The following KCNK18 variants were observed in gnomAD, a reference collection of about 807,000 sequenced individuals.
KCNK18 encodes the protein potassium two pore domain channel subfamily K member 18.
Under a neutral mutation model 11.8 loss-of-function variants are expected in KCNK18, and 8 were observed. That is an observed-to-expected ratio of 0.68 (90% CI 0.40 to 1.22). The LOEUF is 1.22. Among genes scored for constraint, KCNK18 ranks in the 50% most tolerant of loss-of-function variants. KCNK18 has a pLI of 0.01. For synonymous variants in KCNK18, 208 were observed against 185.8 expected (o/e 1.12, Z -0.97); for missense variants, 442 against 465.4 (o/e 0.95, Z 0.46).
At chr10:117,203,464 G>A (rs561189112) in intron 2 of KCNK18, among the ~76,000 whole-genome samples, 3 of 152,306 alleles carry the variant, frequency 2.0e-5, no homozygotes, top group Admixed American at 6.5e-5. Flanking sequence ...GGAAACAATA[G>A]GCCCAGGAGA....
chr10:117,209,611 C>T lies in KCNK18; in HGVS notation c.467C>T (p.Ala156Val). ...LVLTDTGDILATILSTSYNRF... is the reference protein window; with the variant it reads ...LVLTDTGDILVTILSTSYNRF... The stretch of plus-strand genomic sequence containing the variant: ...CTCACGGACACAGGCGACATCCTGG[C>T]AACCATCTTATCTACATCTTATAAT... The change falls in exon 3 of 3, where the codon GCA becomes GTA. Residue 156 changes from alanine (A) to valine (V), a missense_variant. By Grantham distance (64) the Ala-to-Val change is moderately conservative (BLOSUM62 0). Coordinates refer to ENST00000334549, the MANE Select transcript of KCNK18 (RefSeq NM_181840.1). The T allele has an allele frequency of 6.2e-7, 1 of 1,614,188 alleles. No individual in the cohort carries two copies. Among genetic ancestry groups the T allele is most frequent in the South Asian group, 1.1e-5 (1 of 91,086 alleles).
At chr10:117,200,068 C>G (rs567008505) in intron 1 of KCNK18, among the ~76,000 whole-genome samples, 1 of 152,272 alleles carries the variant, frequency 6.6e-6, no homozygotes, top group African/African-American at 2.4e-5. Context: ...GATGATCAAA[C>G]TCCATCAAGT....
chr10:117,197,692 C>A lies in KCNK18; in HGVS notation c.204C>A (p.Ile68=). Residue 68 remains isoleucine, a synonymous_variant, in exon 1 of 3, where the codon ATC becomes ATA. Transcript: ENST00000334549. ...FEKFLEELCR[I]LNCSETVVED... is the part of the protein sequence containing the mutation. ...AGTTCTTGGAGGAGCTCTGCAGAATCTTGAACTGCAGTGAAACAGGTAGGT... is the reference window on the plus strand; with the variant it reads ...AGTTCTTGGAGGAGCTCTGCAGAATATTGAACTGCAGTGAAACAGGTAGGT... The A allele has an allele frequency of 6.2e-7, 1 of 1,614,066 alleles. No individual in the cohort carries two copies. Among genetic ancestry groups the A allele is most frequent in the South Asian group, 1.1e-5 (1 of 91,080 alleles).
chr10:117,197,703 G>C lies in KCNK18; in HGVS notation c.215G>C (p.Ser72Thr), dbSNP rs1422290948. ...GAGCTCTGCAGAATCTTGAACTGCA[G>C]TGAAACAGGTAGGTGCCTCACCTGG... ...LEELCRILNC[S>T]ETVVEDRKQD... The change falls in exon 1 of 3, where the codon AGT becomes ACT. Residue 72 changes from serine to threonine, a missense_variant. By Grantham distance (58) the Ser-to-Thr change is moderately conservative. Coordinates refer to ENST00000334549, the MANE Select transcript of KCNK18 (RefSeq NM_181840.1). 9 of 1,613,946 alleles carry C rather than the reference G, an allele frequency of 5.6e-6. No homozygotes were observed. Among genetic ancestry groups the C allele is most frequent in the Non-Finnish European group, 7.6e-6 (9 of 1,179,966 alleles).
rs781592639 is a variant in KCNK18 at position 117,197,545 on chromosome 10, G to T, written c.57G>T (p.Lys19Asn). 1.1e-5 allele frequency: 17 copies of T among 1,614,098 alleles called. No individual in the cohort carries two copies. Among genetic ancestry groups the T allele is most frequent in the South Asian group, 2.2e-5 (2 of 91,096 alleles). ...ARRCCPEALGKLFPGLCFLCF... is the reference protein window; with the variant it reads ...ARRCCPEALGNLFPGLCFLCF... ...GATGCTGCCCAGAGGCCCTGGGAAA[G>T]CTCTTCCCTGGCCTCTGCTTCCTCT... The change falls in exon 1 of 3, where the codon AAG (lysine) becomes AAT (asparagine). Residue 19 changes from lysine to asparagine, a missense_variant. Physicochemically the swap from Lys to Asn is moderately conservative, Grantham distance 94 (BLOSUM62 0). Transcript: ENST00000334549.
intron 2 of KCNK18, among the ~76,000 whole-genome samples, 164 bp downstream of exon 2, chr10:117,201,451 G>C (rs1456721393): frequency 6.6e-6 from 1 of 152,110 alleles, no homozygotes; most frequent in Non-Finnish European, 1.5e-5. Context: ...CAGCAGCTGC[G>C]CTGGCCGACA....
intron 1 of KCNK18, among the ~76,000 whole-genome samples, chr10:117,199,287 T>C (rs1025359850): frequency 2.0e-5 from 3 of 152,196 alleles, no homozygotes; most frequent in African/African-American, 7.2e-5. Flanking sequence ...GCCATTGCAC[T>C]CCAGCCTGGA....
rs1854966795 is a variant in KCNK18 at position 117,197,675 on chromosome 10, G to A, written c.187G>A (p.Glu63Lys). ...TGATGGAGAGTTTGAGAAGTTCTTG[G>A]AGGAGCTCTGCAGAATCTTGAACTG... The part of the protein sequence containing the change: ...ADDGEFEKFL[E>K]ELCRILNCSE... The change falls in exon 1 of 3, where the codon GAG becomes AAG. Residue 63 changes from glutamate to lysine, a missense_variant. Transcript: ENST00000334549. 1 of 1,614,020 alleles carries A rather than the reference G, an allele frequency of 6.2e-7. No homozygotes were observed. Among genetic ancestry groups the A allele is most frequent in the South Asian group, 1.1e-5 (1 of 91,076 alleles).
Position 117,210,046 on chromosome 10 carries a change from TC to T in KCNK18, c.906del (p.Phe303SerfsTer29). 6.2e-7 allele frequency: 1 copy of T among 1,614,216 alleles called. No individual in the cohort carries two copies. Among genetic ancestry groups the T allele is most frequent in the Non-Finnish European group, 8.5e-7 (1 of 1,180,038 alleles). On this transcript the variant is annotated frameshift_variant, in exon 3 of 3. Transcript: ENST00000334549. LOFTEE classifies it low-confidence loss of function (END_TRUNC). ...TACATTTCCTGTGCAGCTGCCATCCTCCCCTTCTGGGAGACACAGTTGGATT... is the reference window on the plus strand; with the variant it reads ...TACATTTCCTGTGCAGCTGCCATCCTCCCTTCTGGGAGACACAGTTGGATT... ...FAYISCAAAI[L>X]PFWETQLDFE...
chr10:117,201,159 T>C lies in KCNK18; in HGVS notation c.224T>C (p.Val75Ala). ...LCRILNCSET[V>A]VEDRKQDLQG... ...AACTCTTGGTCATGTCTTTCTCCAG[T>C]GGTGGAAGACAGAAAACAGGATCTC... Residue 75 changes from valine (V) to alanine (A), a missense_variant and splice_region_variant, in exon 2 of 3, where the codon GTG becomes GCG. Coordinates refer to ENST00000334549, the MANE Select transcript of KCNK18 (RefSeq NM_181840.1). 1 of 1,614,116 alleles carries C rather than the reference T, an allele frequency of 6.2e-7. No individual in the cohort carries two copies. The highest frequency in any genetic ancestry group is 8.5e-7 in the Non-Finnish European group (1 of 1,180,030).
At chr10:117,206,345 C>A (rs947118374) in intron 2 of KCNK18, among the ~76,000 whole-genome samples, 28 of 152,218 alleles carry the variant, frequency 1.8e-4, no homozygotes, top group Non-Finnish European at 3.5e-4. Context: ...GGTCATATTA[C>A]CTCCTCTTCT....
At chr10:117,206,919 C>T (rs1440905889) in intron 2 of KCNK18, among the ~76,000 whole-genome samples, 3 of 152,186 alleles carry the variant, frequency 2.0e-5, no homozygotes, top group African/African-American at 4.8e-5. Flanking sequence ...GGTCTTTGCA[C>T]AGGCTGCTTC....
At chr10:117,208,561 A>G (rs1301621768) in intron 2 of KCNK18, among the ~76,000 whole-genome samples, 2 of 152,168 alleles carry the variant, frequency 1.3e-5, no homozygotes, top group East Asian at 3.9e-4. Flanking sequence ...CTTCACTGTC[A>G]TTTAGGAACA....
At chr10:117,204,270 C>CAA (rs61016831) in intron 2 of KCNK18, among the ~76,000 whole-genome samples, 6,335 of 116,124 alleles carry the variant, frequency 0.055, 279 homozygotes, top group African/African-American at 0.12. Context: ...GGCAGAGTCT[C>CAA]AAAAAAAAAA....
In KCNK18 at chr10:117,202,886, C is replaced by CTTTTT. The variant is rs201850637; in HGVS notation, c.352+1617_352+1621dup. On this transcript the variant is annotated intron_variant, in intron 2 of 2. Coordinates refer to ENST00000334549, the MANE Select transcript of KCNK18 (RefSeq NM_181840.1). Reference sequence around the variant, plus strand: ...GTGGTTTCTCCCATTTGCCTGAATGCTTTTTTTTTTTTTTTTTTTTTTGAG... The same window carrying CTTTTT: ...GTGGTTTCTCCCATTTGCCTGAATGCTTTTTTTTTTTTTTTTTTTTTTTTTTTGAG... Among the ~76,000 whole-genome samples the CTTTTT allele has an allele frequency of 3.8e-3, 465 of 122,950 alleles. 16 individuals are homozygous for CTTTTT. The highest frequency in any genetic ancestry group is 0.014 in the African/African-American group (407 of 29,238). The allele number at this position is 122,950 out of a possible 152,430, so 80.7% of individuals were successfully genotyped here. A position where few individuals can be genotyped will look rare whatever the true frequency, so the allele number is the denominator to read the frequency against.
Position 117,197,539 on chromosome 10 carries a change from G to T in KCNK18, c.51G>T (p.Leu17=). ...PQARRCCPEA[L]GKLFPGLCFL... ...CCAGGAGATGCTGCCCAGAGGCCCTGGGAAAGCTCTTCCCTGGCCTCTGCT... is the reference window on the plus strand; with the variant it reads ...CCAGGAGATGCTGCCCAGAGGCCCTTGGAAAGCTCTTCCCTGGCCTCTGCT... The change falls in exon 1 of 3, where the codon CTG becomes CTT. Residue 17 remains leucine (L), a synonymous_variant. Transcript: ENST00000334549. 1 of 1,614,150 alleles carries T rather than the reference G, an allele frequency of 6.2e-7. No individual in the cohort carries two copies. Among genetic ancestry groups the T allele is most frequent in the South Asian group, 1.1e-5 (1 of 91,072 alleles).
intron 2 of KCNK18, among the ~76,000 whole-genome samples, chr10:117,204,929 CAAG>C (rs1433880070): frequency 2.0e-5 from 3 of 152,186 alleles, no homozygotes; most frequent in African/African-American, 4.8e-5. Flanking sequence ...GCTTAAATTC[CAAG>C]AAGGCAATGC....
rs538815723 is a variant in KCNK18, at chr10:117,208,414, C to A, written c.353-1083C>A. Among the ~76,000 whole-genome samples, 6 of 152,194 alleles carry A rather than the reference C, an allele frequency of 3.9e-5. No individual in the cohort carries two copies. The East Asian group carries it at 9.7e-4, about 24-fold the overall frequency. ...GTAATCCTCCCAGCTAGTCAATACG[C>A]AAAGTAGGTATTGTCATCCCCATCT... On this transcript the variant is annotated intron_variant, in intron 2 of 2. Transcript: ENST00000334549.
chr10:117,210,213 T>C lies in KCNK18; in HGVS notation c.1069T>C (p.Leu357=). ...GGAGATTGTGTTCATTGCTTTCAAG[T>C]TGGTGCAAAACAGGCTGATTGACAT... ...GMEIVFIAFK[L]VQNRLIDIYK... is the part of the protein sequence containing the mutation. The change falls in exon 3 of 3, where the codon TTG becomes CTG. Residue 357 remains leucine (L), a synonymous_variant. Transcript: ENST00000334549. 1 of 1,614,244 alleles carries C rather than the reference T, an allele frequency of 6.2e-7. No individual in the cohort carries two copies. The highest frequency in any genetic ancestry group is 8.5e-7 in the Non-Finnish European group (1 of 1,180,040).
Sources: gnomAD v4.1 joint callset for allele counts (sites outside exome capture counted in the v4.1 genomes callset) on GRCh38, gnomAD v4.1.1 for gene constraint, MANE v1.5 for transcripts, NCBI Gene and HGNC (gene_info 2026-07-23, HGNC 2026-07-21) for gene names.